Variants in DNAJC7 observed in about 807,000 individuals in gnomAD.
DNAJC7 encodes the protein DnaJ heat shock protein family (Hsp40) member C7.
Under a neutral mutation model 67.4 loss-of-function variants are expected in DNAJC7, and 18 were observed. That is an observed-to-expected ratio of 0.27 (90% confidence interval 0.18 to 0.40). DNAJC7 has a LOEUF of 0.40. Among genes scored for constraint, DNAJC7 ranks in the 10% least tolerant of loss-of-function variants. The pLI is 1.00. For missense variants in DNAJC7, 419 were observed against 613.8 expected, an observed-to-expected ratio of 0.68 and a Z score of 3.35; for synonymous variants, 220 against 207.8, an observed-to-expected ratio of 1.06 and a Z score of -0.50.
At chr17:42,012,659 T>C (rs2052151454) in intron 1 of DNAJC7, among the ~76,000 whole-genome samples, 1 of 152,212 alleles carries the variant, frequency 6.6e-6, no homozygotes, top group Non-Finnish European at 1.5e-5. Flanking sequence ...CTTAAGTTAG[T>C]TGAAATGTGA....
intron 11 of DNAJC7, 45 bp from the exon 12 acceptor site, chr17:41,982,052 C>T (rs1555646065): frequency 1.9e-6 from 3 of 1,587,042 alleles, no homozygotes; most frequent in Non-Finnish European, 2.6e-6. Flanking sequence ...ATCAAAGTTT[C>T]AAGAAAACAA....
chr17:42,012,292 G>A (rs2143356278), intron 1 of DNAJC7, among the ~76,000 whole-genome samples: 1 of 152,324 alleles, frequency 6.6e-6, no homozygotes, highest in South Asian at 2.1e-4. Flanking sequence ...AGACCATCCT[G>A]GCCAACATGG....
At chr17:42,000,632 A>C (rs1389293201) in intron 1 of DNAJC7, 62 bp from the exon 2 acceptor site, 1 of 1,310,150 alleles carries the variant, frequency 7.6e-7, no homozygotes, top group African/African-American at 1.5e-5. Flanking sequence ...CTGTAATCTT[A>C]CAGGAGGAAT....
At position 42,000,530 on chromosome 17, in the gene DNAJC7, C is replaced by T. The variant is rs782214649; in HGVS notation, c.118G>A (p.Ala40Thr). The T allele has an allele frequency of 6.2e-7, 1 of 1,612,212 alleles. No individual in the cohort carries two copies. The highest frequency in any genetic ancestry group is 8.5e-7 in the Non-Finnish European group (1 of 1,179,108). Residue 40 changes from alanine (A) to threonine (T), a missense_variant, in exon 2 of 14, where the codon GCC (alanine) becomes ACC (threonine). Ala to Thr is a moderately conservative substitution (Grantham distance 58, BLOSUM62 0). Transcript: ENST00000457167. The stretch of plus-strand genomic sequence containing the variant: ...TAAGCTTCATTGTAATCTTTCTTGG[C>T]ATAGTATGCATTTCCTTGTTCCTTG... ...TFKEQGNAYY[A>T]KKDYNEAYNY...
At chr17:42,014,687 T>C (rs2052217776) in intron 1 of DNAJC7, 1 of 151,158 alleles carries the variant, frequency 6.6e-6, no homozygotes, top group African/African-American at 2.4e-5. Flanking sequence ...TGCCTCAGCC[T>C]CCTGACTAGC....
intron 6 of DNAJC7, 43 bp from the exon 7 acceptor site, chr17:41,989,600 T>C: frequency 6.2e-7 from 1 of 1,602,462 alleles, no homozygotes; most frequent in Non-Finnish European, 8.5e-7. Flanking sequence ...TGCTTTAGAA[T>C]GTCCCCACCA....
intron 1 of DNAJC7, chr17:42,016,115 T>C (rs2052275325): frequency 6.6e-6 from 1 of 152,202 alleles, no homozygotes; most frequent in Non-Finnish European, 1.5e-5. Flanking sequence ...CTGGCTTCTC[T>C]GATATCCCAG....
At position 41,976,691 on chromosome 17, in the gene DNAJC7, G is replaced by A. The variant is rs782688530; in HGVS notation, c.*42C>T. 5 of 1,604,020 alleles carry A rather than the reference G, an allele frequency of 3.1e-6. No individual in the cohort carries two copies. The highest frequency in any genetic ancestry group is 4.2e-6 in the Non-Finnish European group (5 of 1,176,706). ...CTGTTTCCACATTCAAGATTAAACT[G>A]AGTGAATCTGCATTTTCTGGGTTCT... is the stretch of plus-strand genomic sequence containing the variant. On this transcript the variant is annotated 3_prime_UTR_variant, in exon 14 of 14. Transcript: ENST00000457167.
chr17:41,998,577 T>A (rs1299252783), intron 2 of DNAJC7, among the ~76,000 whole-genome samples: 3 of 152,166 alleles, frequency 2.0e-5, no homozygotes, highest in Admixed American at 1.3e-4. Context: ...TGAAGTGTAG[T>A]GATTATCTTT....
intron 9 of DNAJC7, chr17:41,986,047 T>TGAAA (rs2051365842): frequency 3.1e-5 from 1 of 32,550 alleles, no homozygotes; most frequent in Non-Finnish European, 5.3e-5. Context: ...GGGGCTTGCT[T>TGAAA]AAAAAAAAAA....
intron 1 of DNAJC7, among the ~76,000 whole-genome samples, chr17:42,001,770 T>A (rs1330707708): frequency 6.6e-6 from 1 of 152,198 alleles, no homozygotes. Flanking sequence ...TGTGATTTAC[T>A]TAAGTATTTT....
intron 5 of DNAJC7, among the ~76,000 whole-genome samples, chr17:41,994,404 G>A (rs2051598669): frequency 6.6e-6 from 1 of 151,006 alleles, no homozygotes. Context: ...CAGGTGTGAT[G>A]GCATGCGCCT....
chr17:41,991,641 G>C (rs1164088015), intron 5 of DNAJC7, among the ~76,000 whole-genome samples: 2 of 152,040 alleles, frequency 1.3e-5, no homozygotes, highest in African/African-American at 4.8e-5. Flanking sequence ...AAGTTTGAGG[G>C]GACACTCATC....
intron 1 of DNAJC7, among the ~76,000 whole-genome samples, chr17:42,003,950 A>ATTTT (rs10631965): frequency 0.58 from 54,477 of 94,156 alleles, 17,318 homozygotes; most frequent in East Asian, 0.75. Flanking sequence ...AAGATTTTCA[A>ATTTT]TTTTTTTTTT....
intron 1 of DNAJC7, among the ~76,000 whole-genome samples, chr17:42,009,914 C>A (rs1352995490): frequency 6.6e-6 from 1 of 152,058 alleles, no homozygotes; most frequent in African/African-American, 2.4e-5. Flanking sequence ...GAGGCCGAGG[C>A]GGGCAGATCC....
At chr17:41,997,381 A>G (rs975334762) in intron 2 of DNAJC7, 142 bp from the exon 3 acceptor site, 4 of 937,870 alleles carry the variant, frequency 4.3e-6, no homozygotes, top group African/African-American at 1.7e-5. Context: ...TGAGGTCAGG[A>G]GTTCAAGACC....
chr17:42,011,845 C>T (rs1193216830), intron 1 of DNAJC7: 3 of 152,158 alleles, frequency 2.0e-5, no homozygotes, highest in South Asian at 4.1e-4. Flanking sequence ...TAAGTGAGGC[C>T]ACAAACTCAA....
chr17:41,987,919 G>T lies in DNAJC7; in HGVS notation c.919-9C>A. On this transcript the variant is annotated splice_polypyrimidine_tract_variant and intron_variant, in intron 8 of 13. Transcript: ENST00000457167. Reference sequence around the variant, plus strand: ...TCATCTAGTTTCCTAAGCTTCAGGAGAGAGAGAGCAATCATACTTCACACC... The same window carrying T: ...TCATCTAGTTTCCTAAGCTTCAGGATAGAGAGAGCAATCATACTTCACACC... 1 of 1,605,368 alleles carries T rather than the reference G, an allele frequency of 6.2e-7. No individual in the cohort carries two copies. The highest frequency in any genetic ancestry group is 8.5e-7 in the Non-Finnish European group (1 of 1,175,474).
rs1293577648 is a variant in DNAJC7, at chr17:41,997,344, T to C, written c.167-105A>G. The C allele has an allele frequency of 7.7e-6, 11 of 1,435,288 alleles. No individual in the cohort carries two copies. The East Asian group carries it at 2.3e-4, about 30-fold the overall frequency. The allele number at this position is 1,435,288 out of a possible 1,614,324, so 88.9% of individuals were successfully genotyped here. ...TGGCTCATGCCCATAATCCCAGTAC[T>C]TTGGGAGGCCAAGAGGGGAGACCAC... On this transcript the variant is annotated intron_variant, in intron 2 of 13. Coordinates refer to ENST00000457167, the MANE Select transcript of DNAJC7 (RefSeq NM_003315.4).
Sources: gnomAD v4.1 joint callset for allele counts (sites outside exome capture counted in the v4.1 genomes callset) on GRCh38, gnomAD v4.1.1 for gene constraint, MANE v1.5 for transcripts, NCBI Gene and HGNC (gene_info 2026-07-23, HGNC 2026-07-21) for gene names.